CLN8: variants seen among roughly 807,000 people sequenced by gnomAD.
The protein encoded by CLN8 is protein CLN8.
Under a neutral mutation model 15.7 loss-of-function variants are expected in CLN8, and 14 were observed. That is an observed-to-expected ratio of 0.89 (90% CI 0.59 to 1.39). The LOEUF is 1.39. Among genes scored for constraint, CLN8 ranks in the 40% most tolerant of loss-of-function variants. The pLI, the probability that CLN8 is intolerant of heterozygous loss-of-function variation, is 0.00. For missense variants in CLN8, 415 were observed against 364.0 expected, an observed-to-expected ratio of 1.14 and a Z score of -1.14; for synonymous variants, 188 against 151.0, an observed-to-expected ratio of 1.25 and a Z score of -1.80.
At chr8:1,769,224 C>T (rs554702667) in intron 1 of CLN8, among the ~76,000 whole-genome samples, 21 of 152,162 alleles carry the variant, frequency 1.4e-4, no homozygotes, top group Non-Finnish European at 1.5e-5. Context: ...ATCAGTGCTC[C>T]CTTGTCATTT....
At chr8:1,765,920 C>G (rs931173901) in intron 1 of CLN8, among the ~76,000 whole-genome samples, 12 of 152,028 alleles carry the variant, frequency 7.9e-5, no homozygotes, top group African/African-American at 2.7e-4. Context: ...AGCATGCAAC[C>G]TTTTTTTTCC....
chr8:1,761,580 C>T (rs1376425686), upstream of CLN8, among the ~76,000 whole-genome samples: 1 of 152,234 alleles, frequency 6.6e-6, no homozygotes, highest in African/African-American at 2.4e-5. Flanking sequence ...CTGCCTCGGC[C>T]TCCCAGAGTC....
rs1433039299 is a variant in CLN8 at position 1,785,896 on chromosome 8, G to A, written c.*5329G>A. 1 of 154,958 alleles carries A rather than the reference G, an allele frequency of 6.5e-6. No homozygotes were observed. Among genetic ancestry groups the A allele is most frequent in the Non-Finnish European group, 1.4e-5 (1 of 69,524 alleles). 9.6% of individuals were successfully genotyped at this position (154,958 alleles called of 1,614,324 possible). On this transcript the variant is annotated 3_prime_UTR_variant, in exon 3 of 3. Transcript: ENST00000331222. ...GTGTTGGTGTTGGGGCAGCCCTCAG[G>A]GTCTCCAGACCCCAGCCCCACTCAC...
chr8:1,766,343 G>A (rs562091387), intron 1 of CLN8, among the ~76,000 whole-genome samples: 1 of 151,594 alleles, frequency 6.6e-6, no homozygotes, highest in South Asian at 2.1e-4. Flanking sequence ...AAGCCTTCCA[G>A]AATGAAAGAA....
chr8:1,762,825 C>G (rs911795471), upstream of CLN8: 2 of 152,402 alleles, frequency 1.3e-5, no homozygotes, highest in East Asian at 1.9e-4. Context: ...GCGGGGCGGA[C>G]AATCCCAGTG....
At chr8:1,777,717 C>T (rs1801572709) in intron 2 of CLN8, among the ~76,000 whole-genome samples, 2 of 152,144 alleles carry the variant, frequency 1.3e-5, no homozygotes, top group African/African-American at 4.8e-5. Flanking sequence ...ACCTCCACAC[C>T]TTGTCCCACT....
At chr8:1,753,228 G>A (rs1800594069), upstream of CLN8, among the ~76,000 whole-genome samples, 2 of 152,068 alleles carry the variant, frequency 1.3e-5, no homozygotes, top group Admixed American at 1.3e-4. Context: ...ACTGATTCTT[G>A]CCCACCTCAT....
At chr8:1,757,113 G>A (rs926074486) in intron 1 of CLN8, among the ~76,000 whole-genome samples, 3 of 152,140 alleles carry the variant, frequency 2.0e-5, no homozygotes, top group African/African-American at 7.2e-5. Context: ...CGAGGCCAGC[G>A]TCCCTCTCTC....
intron 1 of CLN8, chr8:1,756,121 T>C (rs1241666192): frequency 6.6e-6 from 1 of 152,218 alleles, no homozygotes; most frequent in African/African-American, 2.4e-5. Flanking sequence ...AATACACCAC[T>C]TCCCTGTGCT....
chr8:1,764,081 C>T (rs1800937488), intron 1 of CLN8, 196 bp downstream of exon 1: 1 of 152,308 alleles, frequency 6.6e-6, no homozygotes, highest in Non-Finnish European at 1.5e-5. Context: ...GCCGGGAACT[C>T]AGCTGAGGGG....
At chr8:1,765,961 T>A (rs902513637) in intron 1 of CLN8, among the ~76,000 whole-genome samples, 2 of 152,100 alleles carry the variant, frequency 1.3e-5, no homozygotes, top group Non-Finnish European at 2.9e-5. Context: ...TTTGGATAAA[T>A]TATCTCAATG....
intron 1 of CLN8, among the ~76,000 whole-genome samples, chr8:1,757,630 A>G (rs745391701): frequency 5.3e-5 from 8 of 152,060 alleles, no homozygotes; most frequent in Admixed American, 2.6e-4. Flanking sequence ...TAGTAGAGAC[A>G]AGGTTTCACT....
Position 1,771,071 on chromosome 8 carries a change from A to G in CLN8, c.17A>G (p.Asp6Gly), listed in dbSNP as rs536738656. 9 of 1,613,840 alleles carry G rather than the reference A, an allele frequency of 5.6e-6. No individual in the cohort carries two copies. In the Admixed American group the frequency reaches 1.3e-4, roughly 24 times the overall value. The change falls in exon 2 of 3, where the codon GAT becomes GGT. Residue 6 changes from aspartate to glycine, a missense_variant. Transcript: ENST00000331222. MNPAS[D>G]GGTSESIFDL... is the part of the protein sequence containing the mutation. ...CTGTGGACAATGAATCCTGCGAGCG[A>G]TGGGGGCACATCAGAGAGCATTTTT...
intron 2 of CLN8, 170 bp from the exon 3 acceptor site, chr8:1,780,080 C>G (rs899604371): frequency 5.1e-6 from 5 of 985,314 alleles, no homozygotes; most frequent in Non-Finnish European, 6.0e-6. Flanking sequence ...CTGGTGGCCT[C>G]CTTTCAGAAT....
At chr8:1,761,989 T>A (rs1800808104), upstream of CLN8, 1 of 152,212 alleles carries the variant, frequency 6.6e-6, no homozygotes. Flanking sequence ...CAGTCTAGTC[T>A]CCAGACAAGA....
In CLN8 at chr8:1,782,751, A is replaced by T. The variant is rs1337247110; in HGVS notation, c.*2184A>T. The T allele has an allele frequency of 6.6e-6, 1 of 152,328 alleles. No homozygotes were observed. Among genetic ancestry groups the T allele is most frequent in the East Asian group, 1.9e-4 (1 of 5,186 alleles). The allele number at this position is 152,328 out of a possible 1,614,324, so 9.4% of individuals were successfully genotyped here. A position where few individuals can be genotyped will look rare whatever the true frequency, so the allele number is the denominator to read the frequency against. ...AAACTAACCTATTCATATTGCTGTG[A>T]ATGCTTTATCTTGGAGATAGAAAAT... On this transcript the variant is annotated 3_prime_UTR_variant, in exon 3 of 3. Transcript: ENST00000331222.
At chr8:1,774,996 G>A (rs1801456194) in intron 2 of CLN8, among the ~76,000 whole-genome samples, 2 of 151,878 alleles carry the variant, frequency 1.3e-5, no homozygotes, top group South Asian at 2.1e-4. Context: ...AACACAACCC[G>A]CTGTCAGTTT....
upstream of CLN8, among the ~76,000 whole-genome samples, chr8:1,761,012 C>CTTTTTTTTTT (rs61327257): frequency 4.4e-5 from 3 of 67,562 alleles, no homozygotes; most frequent in African/African-American, 6.2e-5. Context: ...CTATAGCCAT[C>CTTTTTTTTTT]TTTTTTTTTT....
intron 2 of CLN8, among the ~76,000 whole-genome samples, chr8:1,772,650 G>T (rs1336250375): frequency 6.6e-6 from 1 of 151,838 alleles, no homozygotes; most frequent in Admixed American, 6.6e-5. Flanking sequence ...GTGTGTGTGT[G>T]TGTATTTTTA....
Sources: allele counts gnomAD v4.1 joint callset (sites outside exome capture counted in the v4.1 genomes callset), GRCh38; gene constraint gnomAD v4.1.1; transcripts MANE v1.5; gene names NCBI Gene and HGNC (gene_info 2026-07-23, HGNC 2026-07-21).